Variants in CPLANE1 observed in about 807,000 individuals in gnomAD.
CPLANE1 encodes the protein ciliogenesis and planar polarity effector complex subunit 1.
A neutral mutation model predicts 362.5 loss-of-function variants in CPLANE1; 263 were observed. That is an observed-to-expected ratio of 0.73 (90% CI 0.66 to 0.80). CPLANE1 has a LOEUF of 0.80. CPLANE1 is among the 30% of genes least tolerant of loss of function. The pLI is 0.00. For missense variants in CPLANE1, 3,461 were observed against 3,793.4 expected (o/e 0.91, Z 2.30); for synonymous variants, 1,212 against 1,302.6 (o/e 0.93, Z 1.50).
chr5:37,109,857 A>G (rs1278175870), intron 51 of CPLANE1, among the ~76,000 whole-genome samples: 1 of 152,112 alleles, frequency 6.6e-6, no homozygotes, highest in Non-Finnish European at 1.5e-5. Flanking sequence ...GGGTTTCACC[A>G]TATTGGCCAG....
intron 38 of CPLANE1, among the ~76,000 whole-genome samples, chr5:37,161,158 C>T (rs895011184): frequency 6.6e-6 from 1 of 152,008 alleles, no homozygotes; most frequent in African/African-American, 2.4e-5. Flanking sequence ...TTTTTGATGA[C>T]ACAGGGACAT....
chr5:37,179,310 C>T, intron 29 of CPLANE1, 51 bp downstream of exon 29: 2 of 1,134,022 alleles, frequency 1.8e-6, no homozygotes, highest in Non-Finnish European at 2.6e-6. Context: ...ATAATTTAAA[C>T]ACTATACAAA....
At chr5:37,085,476 C>A in the CPLANE1 span, 1 of 824,026 alleles carries the variant, frequency 1.2e-6, no homozygotes. Flanking sequence ...TCTGGTGACT[C>A]ATGATGCTCA....
intron 16 of CPLANE1, among the ~76,000 whole-genome samples, chr5:37,208,056 C>T (rs550379624): frequency 6.6e-6 from 1 of 152,324 alleles, no homozygotes; most frequent in East Asian, 1.9e-4. Context: ...TCAAGCAATC[C>T]TCCTGCCTCA....
At position 37,180,124 on chromosome 5, in the gene CPLANE1, GA is replaced by G. The variant is rs2151099353; in HGVS notation, c.5629del (p.Ser1877ProfsTer11). 6.5e-7 allele frequency: 1 copy of G among 1,545,240 alleles called. No individual in the cohort carries two copies. On this transcript the variant is annotated frameshift_variant, in exon 28 of 53. Coordinates refer to ENST00000651892, the MANE Select transcript of CPLANE1 (RefSeq NM_001384732.1). LOFTEE classifies it high-confidence loss of function. ...DIKEINDDIISITHNTKKEFI... is the reference protein window; with the variant it reads ...DIKEINDDIIXITHNTKKEFI... ...TTCTTTTTTAGTATTATGAGTGATG[GA>G]AATAATATCATCATTGATTTCTTTT...
chr5:37,158,288 T>A lies in CPLANE1; in HGVS notation c.7748A>T (p.Lys2583Met), dbSNP rs1412521587. ...TTTCTCTGACATTTCACTGGAAAGCTTCAGATTTAGATAGACATCTGGGAC... is the reference window on the plus strand; with the variant it reads ...TTTCTCTGACATTTCACTGGAAAGCATCAGATTTAGATAGACATCTGGGAC... The part of the protein sequence containing the change: ...LLVPDVYLNL[K>M]LSSEMSEKPW... Residue 2583 changes from lysine to methionine, a missense_variant, in exon 39 of 53, where the codon AAG becomes ATG. Lys to Met is a moderately conservative substitution (Grantham distance 95). Coordinates refer to ENST00000651892, the MANE Select transcript of CPLANE1 (RefSeq NM_001384732.1). The A allele has an allele frequency of 3.7e-6, 6 of 1,613,782 alleles. No homozygotes were observed. The highest frequency in any genetic ancestry group is 5.1e-6 in the Non-Finnish European group (6 of 1,179,880).
chr5:37,227,647 G>A lies in CPLANE1; in HGVS notation c.1292C>T (p.Pro431Leu). The change falls in exon 10 of 53, where the codon CCA (proline) becomes CTA (leucine). Residue 431 changes from proline to leucine, a missense_variant. Pro to Leu is a moderately conservative substitution (Grantham distance 98, BLOSUM62 -3). Transcript: ENST00000651892. ...TTLRFLDSLS[P>L]SVHMRSLLLD... ...TAGAAGTGATCTCATGTGTACTGAT[G>A]GAGATAGGCTATCAAGAAATCGAAG... 6.4e-7 allele frequency: 1 copy of A among 1,551,194 alleles called. No homozygotes were observed. The highest frequency in any genetic ancestry group is 8.7e-7 in the Non-Finnish European group (1 of 1,146,628).
chr5:37,138,249 A>G (rs1435783995), intron 46 of CPLANE1, among the ~76,000 whole-genome samples: 2 of 152,162 alleles, frequency 1.3e-5, no homozygotes, highest in African/African-American at 4.8e-5. Context: ...TATTTAGGAT[A>G]GTTAAGTCTT....
At chr5:37,104,215 G>C (rs953032354), downstream of CPLANE1, among the ~76,000 whole-genome samples, 5 of 152,124 alleles carry the variant, frequency 3.3e-5, no homozygotes, top group African/African-American at 1.2e-4. Context: ...AGCTCTATCA[G>C]GTCAGTTTTC....
intron 6 of CPLANE1, among the ~76,000 whole-genome samples, chr5:37,242,343 G>A (rs542656131): frequency 6.6e-6 from 1 of 150,744 alleles, no homozygotes; most frequent in African/African-American, 2.4e-5. Context: ...GACAGAGCAA[G>A]ACTCCATCTC....
Position 37,140,423 on chromosome 5 carries a change from A to C in CPLANE1, c.8633-1053T>G, listed in dbSNP as rs1769319962. ...TCAGAATCTGGGCATTTGTGGGTTA[A>C]GAGCAACTAATTCAATTTAACTAAG... is the stretch of plus-strand genomic sequence containing the variant. On this transcript the variant is annotated intron_variant, in intron 44 of 52. Transcript: ENST00000651892. 5 of 985,002 alleles carry C rather than the reference A, an allele frequency of 5.1e-6. No individual in the cohort carries two copies. In the South Asian group the frequency reaches 1.9e-4, roughly 37 times the overall value. 61.0% of individuals were successfully genotyped at this position (985,002 alleles called of 1,614,324 possible). A position where few individuals can be genotyped will look rare whatever the true frequency, so the allele number is the denominator to read the frequency against.
chr5:37,121,039 G>A (rs967826792), intron 49 of CPLANE1, among the ~76,000 whole-genome samples: 1 of 152,180 alleles, frequency 6.6e-6, no homozygotes, highest in Non-Finnish European at 1.5e-5. Context: ...ATAGAACTTT[G>A]CATGTTTGTT....
At chr5:37,115,283 C>T (rs1760605340) in intron 50 of CPLANE1, among the ~76,000 whole-genome samples, 1 of 152,132 alleles carries the variant, frequency 6.6e-6, no homozygotes, top group Admixed American at 6.5e-5. Context: ...TCAAGCACAG[C>T]CATACTCTTT....
chr5:37,171,204 G>A (rs1779706805), intron 32 of CPLANE1, among the ~76,000 whole-genome samples: 1 of 152,164 alleles, frequency 6.6e-6, no homozygotes, highest in Admixed American at 6.5e-5. Context: ...AGATGACCAG[G>A]TTATTTAAAT....
intron 50 of CPLANE1, among the ~76,000 whole-genome samples, chr5:37,118,953 C>T (rs954818139): frequency 3.9e-5 from 6 of 152,124 alleles, no homozygotes; most frequent in African/African-American, 1.4e-4. Context: ...ACCTTGTGAT[C>T]TGCCCACCTC....
In CPLANE1 at chr5:37,245,758, G is replaced by T. The variant is rs1350721964; in HGVS notation, c.169C>A (p.Leu57Met). Residue 57 changes from leucine to methionine, a missense_variant, in exon 3 of 53, where the codon CTG (leucine) becomes ATG (methionine). By Grantham distance (15) the Leu-to-Met change is conservative (BLOSUM62 2). Coordinates refer to ENST00000651892, the MANE Select transcript of CPLANE1 (RefSeq NM_001384732.1). ...SGKIKKKIPS[L>M]QPFLKDVIVL... is the part of the protein sequence containing the mutation. ...ATAACATCCTTCAAGAAAGGCTGCA[G>T]ACTAGGAATTTTCTTCTTTATCTTT... The T allele has an allele frequency of 3.2e-6, 5 of 1,538,940 alleles. No homozygotes were observed. In the Admixed American group the frequency reaches 1.0e-4, roughly 32 times the overall value.
At chr5:37,178,816 G>A (rs1781931148) in intron 29 of CPLANE1, among the ~76,000 whole-genome samples, 1 of 151,978 alleles carries the variant, frequency 6.6e-6, no homozygotes, top group Non-Finnish European at 1.5e-5. Context: ...CTGGAATGTA[G>A]TAGCACATTA....
chr5:37,112,215 TAC>T (rs897491524), intron 51 of CPLANE1, among the ~76,000 whole-genome samples: 1 of 152,200 alleles, frequency 6.6e-6, no homozygotes, highest in African/African-American at 2.4e-5. Context: ...CTGCTAAAAT[TAC>T]AGTTAAGAGT....
At chr5:37,204,125 C>A (rs987232786) in intron 18 of CPLANE1, among the ~76,000 whole-genome samples, 2 of 152,138 alleles carry the variant, frequency 1.3e-5, no homozygotes, top group African/African-American at 4.8e-5. Context: ...ATTTTAGTCC[C>A]TTCTTTAAAA....
Sources: gnomAD v4.1 joint callset for allele counts (sites outside exome capture counted in the v4.1 genomes callset) on GRCh38, gnomAD v4.1.1 for gene constraint, MANE v1.5 for transcripts, NCBI Gene and HGNC (gene_info 2026-07-23, HGNC 2026-07-21) for gene names.